The following OSGIN1 variants were observed in gnomAD, a reference collection of about 807,000 sequenced individuals.
OSGIN1 encodes oxidative stress induced growth inhibitor 1.
A neutral mutation model predicts 20.1 loss-of-function variants in OSGIN1; 19 were observed. That is an observed-to-expected ratio of 0.95 (90% CI 0.66 to 1.39). OSGIN1 has a LOEUF of 1.39. OSGIN1 is among the 40% of genes most tolerant of loss of function. OSGIN1 has a pLI of 0.00. For synonymous variants in OSGIN1, 368 were observed against 297.8 expected, an observed-to-expected ratio of 1.24 and a Z score of -2.43; for missense variants, 820 against 653.0, an observed-to-expected ratio of 1.26 and a Z score of -2.79.
intron 1 of OSGIN1, 89 bp downstream of exon 1, chr16:83,953,459 A>T: frequency 8.4e-7 from 1 of 1,184,122 alleles, no homozygotes; most frequent in East Asian, 5.9e-5. Flanking sequence ...GGGTCTGCAG[A>T]GCCCTGGCGC....
chr16:83,957,711 T>A lies in OSGIN1; in HGVS notation c.40T>A (p.Ser14Thr), dbSNP rs1909002524. Residue 14 changes from serine (S) to threonine (T), a missense_variant, in exon 2 of 6, where the codon TCA becomes ACA. Coordinates refer to ENST00000393306, the MANE Select transcript of OSGIN1 (RefSeq NM_182981.3). Reference sequence around the variant, plus strand: ...AAAGGACCACCTCGGCGCCAGCAGCTCAGAGCCCCTCCCGGTCATCATTGT... The same window carrying A: ...AAAGGACCACCTCGGCGCCAGCAGCACAGAGCCCCTCCCGGTCATCATTGT... Reference protein sequence around the residue: ...SRKDHLGASSSEPLPVIIVGN... With the variant: ...SRKDHLGASSTEPLPVIIVGN... 1 of 1,602,928 alleles carries A rather than the reference T, an allele frequency of 6.2e-7. No homozygotes were observed. Among genetic ancestry groups the A allele is most frequent in the Non-Finnish European group, 8.5e-7 (1 of 1,174,478 alleles).
Position 83,965,131 on chromosome 16 carries a change from G to T in OSGIN1, c.558G>T (p.Lys186Asn), listed in dbSNP as rs898370309. The change falls in exon 6 of 6, where the codon AAG (lysine) becomes AAT (asparagine). Residue 186 changes from lysine to asparagine, a missense_variant. Transcript: ENST00000393306. Reference sequence around the variant, plus strand: ...ACTACAGGGACTACGTGGTCAAGAAGGGTCTGGGGCATAACTTTGTGTCCG... The same window carrying T: ...ACTACAGGGACTACGTGGTCAAGAATGGTCTGGGGCATAACTTTGTGTCCG... ...AHYYRDYVVK[K>N]GLGHNFVSGA... is the part of the protein sequence containing the mutation. The T allele has an allele frequency of 6.2e-7, 1 of 1,613,458 alleles. No homozygotes were observed. Among genetic ancestry groups the T allele is most frequent in the Non-Finnish European group, 8.5e-7 (1 of 1,179,972 alleles).
intron 2 of OSGIN1, among the ~76,000 whole-genome samples, chr16:83,958,332 C>T (rs919604021): frequency 2.0e-5 from 3 of 152,208 alleles, no homozygotes; most frequent in Admixed American, 6.5e-5. Context: ...GGCGACCCGG[C>T]GTGGCGCAGG....
intron 1 of OSGIN1, chr16:83,954,186 C>T (rs964344642): frequency 6.6e-6 from 1 of 152,236 alleles, no homozygotes; most frequent in Non-Finnish European, 1.5e-5. Flanking sequence ...AGAACACCCA[C>T]CTCCTGGGGT....
rs753270219 is a variant in OSGIN1, at chr16:83,957,757, C to T, written c.67+19C>T. 11 of 1,478,770 alleles carry T rather than the reference C, an allele frequency of 7.4e-6. No homozygotes were observed. The East Asian group carries it at 2.8e-4, about 37-fold the overall frequency. 91.6% of individuals were successfully genotyped at this position (1,478,770 alleles called of 1,614,324 possible). ...ATTGTGGGTGAGTGTCAGGCCCCAG[C>T]CAGGGAGGGGCTCCGCTGAGCCTTC... On this transcript the variant is annotated intron_variant, in intron 2 of 5. Coordinates refer to ENST00000393306, the MANE Select transcript of OSGIN1 (RefSeq NM_182981.3).
At chr16:83,963,826 G>A (rs1315328695) in intron 5 of OSGIN1, among the ~76,000 whole-genome samples, 1 of 152,186 alleles carries the variant, frequency 6.6e-6, no homozygotes, top group African/African-American at 2.4e-5. Flanking sequence ...ACAGGAAGGT[G>A]CTAGAATGAT....
At chr16:83,963,958 G>T (rs543699045) in intron 5 of OSGIN1, among the ~76,000 whole-genome samples, 13 of 148,760 alleles carry the variant, frequency 8.7e-5, no homozygotes, top group African/African-American at 2.7e-4. Flanking sequence ...GGCTGGGAAC[G>T]ATGGTGAGTG....
Position 83,960,656 on chromosome 16 carries a change from G to C in OSGIN1, c.292G>C (p.Asp98His), listed in dbSNP as rs1909163493. The C allele has an allele frequency of 1.9e-6, 3 of 1,613,490 alleles. No homozygotes were observed. The highest frequency in any genetic ancestry group is 1.7e-5 in the Admixed American group (1 of 60,012). The change falls in exon 4 of 6, where the codon GAC becomes CAC. Residue 98 changes from aspartate (D) to histidine (H), a missense_variant. Asp to His is a moderately conservative substitution (Grantham distance 81). Transcript: ENST00000393306. ...TGATGCCCTTCTACGCCCAGACACA[G>C]ACTTTGGGGGAAACATGAAGTCGGT... ...LFDALLRPDT[D>H]FGGNMKSVLT...
In OSGIN1 at chr16:83,965,518, C is replaced by T; in HGVS notation, c.945C>T (p.Phe315=). The change falls in exon 6 of 6, where the codon TTC becomes TTT. Residue 315 remains phenylalanine, a synonymous_variant. Coordinates refer to ENST00000393306, the MANE Select transcript of OSGIN1 (RefSeq NM_182981.3). ...RHYNIPVIHA[F]RRAVDDPGLV... is the part of the protein sequence containing the mutation. ...ACAACATCCCGGTGATCCATGCCTTCCGCCGGGCCGTGGACGACCCTGGCC... is the reference window on the plus strand; with the variant it reads ...ACAACATCCCGGTGATCCATGCCTTTCGCCGGGCCGTGGACGACCCTGGCC... The T allele has an allele frequency of 1.2e-6, 2 of 1,612,358 alleles. No individual in the cohort carries two copies. The highest frequency in any genetic ancestry group is 1.1e-5 in the South Asian group (1 of 91,088).
chr16:83,957,813 T>C (rs1297932925), intron 2 of OSGIN1, 75 bp downstream of exon 2: 1 of 696,852 alleles, frequency 1.4e-6, no homozygotes, highest in East Asian at 3.3e-5. Context: ...GGGCAGGAGC[T>C]GGGCAAGTCC....
rs571891951 is a variant in OSGIN1, at chr16:83,962,532, C to G, written c.488+1460C>G. ...CTGGGATTACAGGCGTGAGCCACCA[C>G]GCCAGGCTAATTTAGGAAGTTTAAT... On this transcript the variant is annotated intron_variant, in intron 5 of 5. Transcript: ENST00000393306. Among the ~76,000 whole-genome samples the G allele has an allele frequency of 5.9e-5, 9 of 152,360 alleles. 1 individual carries two copies. In the South Asian group the frequency reaches 1.4e-3, roughly 25 times the overall value.
rs142057575 is a variant in OSGIN1, at chr16:83,959,375, G to A, written c.183G>A (p.Pro61=). The A allele has an allele frequency of 1.5e-4, 246 of 1,613,708 alleles. 2 individuals carry two copies. The highest frequency in any genetic ancestry group is 1.4e-3 in the South Asian group (129 of 91,066). ...PLLQRKLTEA[P]GVSILDQDLD... ...TGCAGAGGAAGCTCACCGAGGCCCCGGGGGTCTCCATCCTGGACCAGGTGG... is the reference window on the plus strand; with the variant it reads ...TGCAGAGGAAGCTCACCGAGGCCCCAGGGGTCTCCATCCTGGACCAGGTGG... The change falls in exon 3 of 6, where the codon CCG becomes CCA. Residue 61 remains proline, a synonymous_variant. Coordinates refer to ENST00000393306, the MANE Select transcript of OSGIN1 (RefSeq NM_182981.3).
intron 5 of OSGIN1, among the ~76,000 whole-genome samples, chr16:83,963,901 A>C (rs1005693790): frequency 1.3e-5 from 2 of 152,202 alleles, no homozygotes; most frequent in African/African-American, 4.8e-5. Flanking sequence ...AAAGAGTGAC[A>C]ATCCAAACAA....
chr16:83,958,776 C>G (rs1414951090), intron 2 of OSGIN1, among the ~76,000 whole-genome samples: 1 of 152,242 alleles, frequency 6.6e-6, no homozygotes, highest in African/African-American at 2.4e-5. Flanking sequence ...ACCCACCACT[C>G]AAGTTCGCCC....
At chr16:83,953,394 G>C in intron 1 of OSGIN1, 24 bp downstream of exon 1, 3 of 1,288,304 alleles carry the variant, frequency 2.3e-6, no homozygotes, top group Non-Finnish European at 3.0e-6. Flanking sequence ...GCCAGGTTCC[G>C]GGGCAGGGAA....
Position 83,960,992 on chromosome 16 carries a change from C to T in OSGIN1, c.408C>T (p.Gly136=). Residue 136 remains glycine, a synonymous_variant, in exon 5 of 6, where the codon GGC becomes GGT. Transcript: ENST00000393306. ...LPGGAWHSIE[G]SMVILSQGQW... is the part of the protein sequence containing the mutation. ...TCCTTTCCCTGCAGTCCATCGAAGG[C>T]TCCATGGTGATCCTGAGCCAAGGCC... is the stretch of plus-strand genomic sequence containing the variant. 6.2e-7 allele frequency: 1 copy of T among 1,613,352 alleles called. No individual in the cohort carries two copies. Among genetic ancestry groups the T allele is most frequent in the Non-Finnish European group, 8.5e-7 (1 of 1,179,708 alleles).
In OSGIN1 at chr16:83,959,282, C is replaced by T. The variant is rs766781421; in HGVS notation, c.90C>T (p.Cys30=). The T allele has an allele frequency of 1.9e-6, 3 of 1,613,608 alleles. No individual in the cohort carries two copies. Among genetic ancestry groups the T allele is most frequent in the Non-Finnish European group, 1.7e-6 (2 of 1,179,922 alleles). The change falls in exon 3 of 6, where the codon TGC becomes TGT. Residue 30 remains cysteine (C), a synonymous_variant. Coordinates refer to ENST00000393306, the MANE Select transcript of OSGIN1 (RefSeq NM_182981.3). ...IIVGNGPSGI[C]LSYLLSGYTP... ...CAGGTAACGGCCCCTCTGGTATCTG[C>T]CTGTCCTACCTGCTCTCCGGCTACA...
In OSGIN1 at chr16:83,965,222, A is replaced by G. The variant is rs999798112; in HGVS notation, c.649A>G (p.Ser217Gly). 1.2e-6 allele frequency: 2 copies of G among 1,612,826 alleles called. No individual in the cohort carries two copies. Among genetic ancestry groups the G allele is most frequent in the Admixed American group, 3.3e-5 (2 of 59,998 alleles). Residue 217 changes from serine to glycine, a missense_variant, in exon 6 of 6, where the codon AGC becomes GGC. Transcript: ENST00000393306. ...DPSSCGAQDS[S>G]PLFQVSGFLT... is the part of the protein sequence containing the mutation. Reference sequence around the variant, plus strand: ...CAGCAGCTGTGGGGCCCAGGACTCCAGCCCCCTCTTCCAGGTGAGCGGCTT... The same window carrying G: ...CAGCAGCTGTGGGGCCCAGGACTCCGGCCCCCTCTTCCAGGTGAGCGGCTT...
At chr16:83,960,418 C>G (rs779580400) in intron 3 of OSGIN1, 151 bp from the exon 4 acceptor site, 1 of 632,792 alleles carries the variant, frequency 1.6e-6, no homozygotes, top group Non-Finnish European at 2.8e-6. Flanking sequence ...ACGAGAGCTT[C>G]AAACTACCCC....
Sources: allele counts gnomAD v4.1 joint callset (sites outside exome capture counted in the v4.1 genomes callset), GRCh38; gene constraint gnomAD v4.1.1; transcripts MANE v1.5; gene names NCBI Gene and HGNC (gene_info 2026-07-23, HGNC 2026-07-21).